PLCB4: variants seen among roughly 807,000 people sequenced by gnomAD.
PLCB4 encodes the protein 1-phosphatidylinositol 4,5-bisphosphate phosphodiesterase beta-4.
PLCB4 carries 77 observed loss-of-function variants against 178.8 expected under a neutral mutation model. The ratio of observed to expected loss-of-function variants is 0.43; its 90% confidence interval spans 0.36 to 0.52. PLCB4 has a LOEUF of 0.52. Among genes scored for constraint, PLCB4 ranks in the 20% least tolerant of loss-of-function variants. The probability of loss-of-function intolerance (pLI) is 0.00; values close to 1 mark genes in which losing one functional copy is unlikely to be tolerated. For synonymous variants in PLCB4, 496 were observed against 490.8 expected (o/e 1.01, Z -0.14); for missense variants, 1,024 against 1,453.4 (o/e 0.70, Z 4.80).
chr20:9,207,976 G>A (rs1361284920), intron 2 of PLCB4, among the ~76,000 whole-genome samples: 4 of 152,024 alleles, frequency 2.6e-5, no homozygotes, highest in African/African-American at 9.7e-5. Flanking sequence ...GTATTTTAAC[G>A]CAAATTACAG....
In PLCB4 at chr20:9,250,134, A is replaced by G. The variant is rs536768186; in HGVS notation, c.-16+32682A>G. 1.2e-4 allele frequency among the ~76,000 whole-genome samples: 18 copies of G among 152,222 alleles called. 1 individual carries two copies. Among genetic ancestry groups the G allele is most frequent in the Non-Finnish European group, 2.4e-4 (16 of 68,040 alleles). On this transcript the variant is annotated intron_variant, in intron 3 of 39. Coordinates refer to ENST00000378473, the MANE Select transcript of PLCB4 (RefSeq NM_001377142.1). Reference sequence around the variant, plus strand: ...AAGAGTTATCCTATTCTGTCTCACTATAAATCAGTATTTTGGCACAAAAAA... The same window carrying G: ...AAGAGTTATCCTATTCTGTCTCACTGTAAATCAGTATTTTGGCACAAAAAA...
intron 2 of PLCB4, among the ~76,000 whole-genome samples, chr20:9,174,127 CTTGTT>C (rs1194876491): frequency 6.6e-6 from 1 of 151,884 alleles, no homozygotes; most frequent in Non-Finnish European, 1.5e-5. Context: ...GCTGCTGCTT[CTTGTT>C]TTGTTTTGTT....
At chr20:9,283,852 AT>A (rs1162911354) in intron 3 of PLCB4, among the ~76,000 whole-genome samples, 1 of 151,860 alleles carries the variant, frequency 6.6e-6, no homozygotes, top group Non-Finnish European at 1.5e-5. Context: ...TTTCTATTAT[AT>A]TTTTTAATGT....
At chr20:9,206,180 T>C (rs2093611223) in intron 2 of PLCB4, among the ~76,000 whole-genome samples, 1 of 152,190 alleles carries the variant, frequency 6.6e-6, no homozygotes, top group Non-Finnish European at 1.5e-5. Context: ...TTCTGCTAAC[T>C]TTAAATCAGG....
At chr20:9,169,000 A>T (rs1037385700) in intron 2 of PLCB4, among the ~76,000 whole-genome samples, 4 of 136,920 alleles carry the variant, frequency 2.9e-5, no homozygotes, top group African/African-American at 1.1e-4. Context: ...CGGTTGCTAC[A>T]ACCACCAAGG....
At chr20:9,350,362 C>T (rs769842713) in intron 7 of PLCB4, among the ~76,000 whole-genome samples, 2 of 152,102 alleles carry the variant, frequency 1.3e-5, no homozygotes, top group South Asian at 4.1e-4. Context: ...TTAACTCTCA[C>T]AAGTCTGTGG....
intron 4 of PLCB4, among the ~76,000 whole-genome samples, chr20:9,336,250 T>C (rs1331143957): frequency 6.6e-6 from 1 of 152,150 alleles, no homozygotes; most frequent in Non-Finnish European, 1.5e-5. Flanking sequence ...AGGACATCTA[T>C]GTTCATTTCC....
chr20:9,318,401 C>A (rs1486017864), intron 4 of PLCB4, among the ~76,000 whole-genome samples: 1 of 151,466 alleles, frequency 6.6e-6, no homozygotes, highest in Non-Finnish European at 1.5e-5. Flanking sequence ...CAGGTGGGTC[C>A]AGGTGGAGAC....
intron 17 of PLCB4, 135 bp downstream of exon 17, chr20:9,390,750 C>T (rs922617208): frequency 9.3e-6 from 5 of 537,614 alleles, no homozygotes; most frequent in Admixed American, 6.5e-5. Flanking sequence ...GGAAAGCTTA[C>T]ATCATGCTTC....
chr20:9,293,228 A>C (rs546350945), intron 3 of PLCB4, among the ~76,000 whole-genome samples: 11 of 150,538 alleles, frequency 7.3e-5, no homozygotes, highest in Non-Finnish European at 1.6e-4. Flanking sequence ...GGATGGAAGG[A>C]AGGAAGGAAG....
At chr20:9,270,053 A>G (rs2094387202) in intron 3 of PLCB4, among the ~76,000 whole-genome samples, 1 of 152,150 alleles carries the variant, frequency 6.6e-6, no homozygotes, top group Admixed American at 6.6e-5. Flanking sequence ...TACATAATAC[A>G]GTATTAAAAA....
chr20:9,358,624 G>C (rs2035042931), intron 7 of PLCB4, among the ~76,000 whole-genome samples: 1 of 152,182 alleles, frequency 6.6e-6, no homozygotes, highest in Non-Finnish European at 1.5e-5. Context: ...ACTGAGCACG[G>C]TGGCTCACGC....
intron 35 of PLCB4, among the ~76,000 whole-genome samples, chr20:9,466,548 A>G (rs949183342): frequency 1.3e-5 from 2 of 152,224 alleles, no homozygotes; most frequent in South Asian, 4.1e-4. Context: ...ACAAAGGGCT[A>G]ATATCCAGAA....
intron 3 of PLCB4, among the ~76,000 whole-genome samples, chr20:9,270,461 A>G (rs193115016): frequency 1.3e-5 from 2 of 152,308 alleles, no homozygotes; most frequent in Admixed American, 1.3e-4. Flanking sequence ...CATTAGTAGA[A>G]TGCATTTGAG....
intron 2 of PLCB4, among the ~76,000 whole-genome samples, chr20:9,098,904 A>G (rs1407454708): frequency 6.7e-6 from 1 of 150,244 alleles, no homozygotes; most frequent in Non-Finnish European, 1.5e-5. Context: ...TGTGCTCCTA[A>G]CTGTCTGGCG....
chr20:9,335,975 T>A (rs1425097551), intron 4 of PLCB4, among the ~76,000 whole-genome samples: 2 of 152,220 alleles, frequency 1.3e-5, no homozygotes, highest in Non-Finnish European at 2.9e-5. Context: ...TGGATTTACC[T>A]TGATAAATGT....
At chr20:9,215,696 A>G (rs916695471) in intron 2 of PLCB4, among the ~76,000 whole-genome samples, 3 of 152,232 alleles carry the variant, frequency 2.0e-5, no homozygotes, top group Non-Finnish European at 2.9e-5. Context: ...ATGTTAGGTT[A>G]AAATCAAAGA....
chr20:9,143,243 T>G (rs2092531020), intron 2 of PLCB4, among the ~76,000 whole-genome samples: 1 of 152,160 alleles, frequency 6.6e-6, no homozygotes, highest in Non-Finnish European at 1.5e-5. Context: ...CTCTTTAAAA[T>G]TGAAGTTCCA....
chr20:9,232,223 A>G (rs183715751), intron 3 of PLCB4, among the ~76,000 whole-genome samples: 4 of 152,268 alleles, frequency 2.6e-5, no homozygotes, highest in Non-Finnish European at 5.9e-5. Flanking sequence ...GGCCTCTAAT[A>G]TCTTGATTGT....
Sources: allele counts gnomAD v4.1 joint callset (sites outside exome capture counted in the v4.1 genomes callset), GRCh38; gene constraint gnomAD v4.1.1; transcripts MANE v1.5; gene names NCBI Gene and HGNC (gene_info 2026-07-23, HGNC 2026-07-21).